Variants in PCDHGA9 observed in about 807,000 individuals in gnomAD.
PCDHGA9 encodes the protein protocadherin gamma-A9.
In PCDHGA9, 37 loss-of-function variants were observed where a neutral mutation model predicts 62.5. That is an observed-to-expected ratio of 0.59 (90% confidence interval 0.46 to 0.78). The LOEUF (loss-of-function observed/expected upper bound fraction) is 0.78, where lower values mean the gene tolerates loss of function less well. PCDHGA9 is among the 30% of genes least tolerant of loss of function. PCDHGA9 has a pLI of 0.00. For synonymous variants in PCDHGA9, 459 were observed against 484.6 expected (o/e 0.95, Z 0.69); for missense variants, 1,138 against 1,166.2 (o/e 0.98, Z 0.35).
chr5:141,417,785 A>C (rs1273908599), intron 1 of PCDHGA9: 22 of 1,476,018 alleles, frequency 1.5e-5, no homozygotes, highest in Non-Finnish European at 1.7e-5. Context: ...TCCTGGGCCG[A>C]ATGCTCTTTT....
At position 141,477,742 on chromosome 5, in the gene PCDHGA9, G is replaced by C; in HGVS notation, c.2425-17065G>C. 2 of 1,613,800 alleles carry C rather than the reference G, an allele frequency of 1.2e-6. No individual in the cohort carries two copies. Among genetic ancestry groups the C allele is most frequent in the Non-Finnish European group, 1.7e-6 (2 of 1,180,030 alleles). ...AATTAACAGCTCATATCAGCGATGG[G>C]GGCACCCCGGTCCTAGCCACCAACA... On this transcript the variant is annotated intron_variant, in intron 1 of 3. Coordinates refer to ENST00000573521, the MANE Select transcript of PCDHGA9 (RefSeq NM_018921.3). The surrounding 1 kb of genome is among the most constrained non-coding windows in gnomAD (Gnocchi z 4.9).
At chr5:141,443,615 C>T (rs1430581477) in intron 1 of PCDHGA9, among the ~76,000 whole-genome samples, 3 of 152,198 alleles carry the variant, frequency 2.0e-5, no homozygotes, top group Non-Finnish European at 4.4e-5. Flanking sequence ...TTCTTATAAT[C>T]AGGTGATTGT....
At chr5:141,445,300 TCA>T (rs1443961962) in intron 1 of PCDHGA9, among the ~76,000 whole-genome samples, 1 of 152,202 alleles carries the variant, frequency 6.6e-6, no homozygotes, top group Non-Finnish European at 1.5e-5. Flanking sequence ...TCCATTCTCT[TCA>T]GTTTGTAGGT....
At chr5:141,414,844 C>T (rs769714220) in intron 1 of PCDHGA9, 3 of 1,614,216 alleles carry the variant, frequency 1.9e-6, no homozygotes, top group South Asian at 2.2e-5. Flanking sequence ...CCTGTTTGTG[C>T]TGGACCAGAA....
chr5:141,487,040 C>T lies in PCDHGA9; in HGVS notation c.2425-7767C>T, dbSNP rs374574042. The T allele has an allele frequency of 3.7e-6, 6 of 1,614,136 alleles. No homozygotes were observed. Among genetic ancestry groups the T allele is most frequent in the South Asian group, 1.1e-5 (1 of 91,082 alleles). On this transcript the variant is annotated intron_variant, in intron 1 of 3. Transcript: ENST00000573521. This position sits in a 1 kb window ranked among gnomAD's most constrained non-coding sequence, Gnocchi z 5.0. Reference sequence around the variant, plus strand: ...AGATCCCAGCCTGTTTGCAGTCTCTCGATATGCTGGGGAGGTGCGGACGGC... The same window carrying T: ...AGATCCCAGCCTGTTTGCAGTCTCTTGATATGCTGGGGAGGTGCGGACGGC...
chr5:141,477,162 C>A lies in PCDHGA9; in HGVS notation c.2425-17645C>A, dbSNP rs147392557. ...GAGGTTGTGGATGTGAATGACAACG[C>A]CCCGGAGATCACAGTCACCTCCGTG... On this transcript the variant is annotated intron_variant, in intron 1 of 3. Transcript: ENST00000573521. This position sits in a 1 kb window ranked among gnomAD's most constrained non-coding sequence, Gnocchi z 4.9. 3.5e-5 allele frequency: 57 copies of A among 1,614,162 alleles called. No homozygotes were observed. The Middle Eastern group carries it at 9.9e-4, about 28-fold the overall frequency.
intron 1 of PCDHGA9, chr5:141,433,257 G>T: frequency 7.2e-7 from 1 of 1,385,416 alleles, no homozygotes; most frequent in Non-Finnish European, 9.9e-7. Context: ...GCAGCGGTAC[G>T]ATCATAGCTC....
chr5:141,496,077 C>G (rs1269618753), intron 2 of PCDHGA9, among the ~76,000 whole-genome samples: 1 of 152,042 alleles, frequency 6.6e-6, no homozygotes, highest in African/African-American at 2.4e-5. Flanking sequence ...CACACACAAC[C>G]CCCCACCCAC....
At position 141,489,754 on chromosome 5, in the gene PCDHGA9, C is replaced by G; in HGVS notation, c.2425-5053C>G. 1 of 1,614,110 alleles carries G rather than the reference C, an allele frequency of 6.2e-7. No homozygotes were observed. The highest frequency in any genetic ancestry group is 8.5e-7 in the Non-Finnish European group (1 of 1,179,972). ...CACCAATACTGTGAGCTTTTACACT[C>G]TAAGCCCCAACAGCCACTTCTCTCT... On this transcript the variant is annotated intron_variant, in intron 1 of 3. Coordinates refer to ENST00000573521, the MANE Select transcript of PCDHGA9 (RefSeq NM_018921.3). The surrounding 1 kb of genome is among the most constrained non-coding windows in gnomAD (Gnocchi z 4.5).
At chr5:141,414,334 A>C in intron 1 of PCDHGA9, 1 of 1,613,782 alleles carries the variant, frequency 6.2e-7, no homozygotes, top group Non-Finnish European at 8.5e-7. Flanking sequence ...TGGACAGGTA[A>C]CCTGTTCCAT....
rs747132868 is a variant in PCDHGA9 at position 141,431,424 on chromosome 5, G to C, written c.2424+26048G>C. ...GCCTCCGACGGGGGCGACCCGGTGC[G>C]CACAGGCACCGCGCGCATCCGCGTG... On this transcript the variant is annotated intron_variant, in intron 1 of 3. Coordinates refer to ENST00000573521, the MANE Select transcript of PCDHGA9 (RefSeq NM_018921.3). This position sits in a 1 kb window ranked among gnomAD's most constrained non-coding sequence, Gnocchi z 4.8. The C allele has an allele frequency of 6.2e-7, 1 of 1,613,558 alleles. No individual in the cohort carries two copies. The highest frequency in any genetic ancestry group is 1.1e-5 in the South Asian group (1 of 91,082).
chr5:141,404,804 T>A lies in PCDHGA9; in HGVS notation c.1852T>A (p.Ser618Thr). Reference sequence around the variant, plus strand: ...CAAGGCCAGTGAGCCAGGGCTCTTCTCGGTGGGGCTGCACACAGGTGAAGT... The same window carrying A: ...CAAGGCCAGTGAGCCAGGGCTCTTCACGGTGGGGCTGCACACAGGTGAAGT... ...LFKASEPGLFSVGLHTGEVRT... is the reference protein window; with the variant it reads ...LFKASEPGLFTVGLHTGEVRT... The change falls in exon 1 of 4, where the codon TCG (serine) becomes ACG (threonine). Residue 618 changes from serine (S) to threonine (T), a missense_variant. Transcript: ENST00000573521. 1 of 1,613,898 alleles carries A rather than the reference T, an allele frequency of 6.2e-7. No individual in the cohort carries two copies. Among genetic ancestry groups the A allele is most frequent in the South Asian group, 1.1e-5 (1 of 91,060 alleles).
intron 1 of PCDHGA9, chr5:141,418,028 A>C (rs767425160): frequency 1.2e-6 from 2 of 1,613,970 alleles, no homozygotes; most frequent in East Asian, 4.5e-5. Context: ...TCTAGGGCTT[A>C]GTGTCCTGGA....
At chr5:141,505,298 T>TA in intron 2 of PCDHGA9, 95 bp from the exon 3 acceptor site, 1 of 1,586,334 alleles carries the variant, frequency 6.3e-7, no homozygotes, top group Non-Finnish European at 8.6e-7. Context: ...GGGGTAGGGT[T>TA]AGGGTACTAG....
intron 1 of PCDHGA9, chr5:141,419,315 C>G (rs2096357855): frequency 1.2e-6 from 2 of 1,613,998 alleles, no homozygotes; most frequent in Non-Finnish European, 1.7e-6. Flanking sequence ...GCTCAACGGC[C>G]GTGTCTCCTA....
At position 141,431,645 on chromosome 5, in the gene PCDHGA9, T is replaced by G. The variant is rs2097404203; in HGVS notation, c.2424+26269T>G. ...GGCGGCCCAAGTTTTCAAACTAGAT[T>G]GTAATTCAGGGACAATATCAACAAT... On this transcript the variant is annotated intron_variant, in intron 1 of 3. Coordinates refer to ENST00000573521, the MANE Select transcript of PCDHGA9 (RefSeq NM_018921.3). This position sits in a 1 kb window ranked among gnomAD's most constrained non-coding sequence, Gnocchi z 4.8. The G allele has an allele frequency of 2.5e-6, 4 of 1,614,236 alleles. No homozygotes were observed. Among genetic ancestry groups the G allele is most frequent in the Non-Finnish European group, 3.4e-6 (4 of 1,180,044 alleles).
At chr5:141,452,227 T>C (rs2098736376) in intron 1 of PCDHGA9, among the ~76,000 whole-genome samples, 1 of 152,232 alleles carries the variant, frequency 6.6e-6, no homozygotes, top group African/African-American at 2.4e-5. Context: ...CTCTTCAAGC[T>C]GGTTCTTGTG....
intron 1 of PCDHGA9, chr5:141,421,025 A>G: frequency 5.7e-6 from 3 of 526,286 alleles, no homozygotes; most frequent in East Asian, 3.2e-5. Context: ...GCTGCGCGCC[A>G]TTGAGTCCCT....
chr5:141,409,143 G>A (rs778597273), intron 1 of PCDHGA9: 1 of 1,613,868 alleles, frequency 6.2e-7, no homozygotes, highest in African/African-American at 1.3e-5. Flanking sequence ...GATGTAGAAA[G>A]GTACACCATG....
Sources: allele counts gnomAD v4.1 joint callset (sites outside exome capture counted in the v4.1 genomes callset), GRCh38; gene constraint gnomAD v4.1.1; non-coding constraint Gnocchi (gnomAD v3.1); transcripts MANE v1.5; gene names NCBI Gene and HGNC (gene_info 2026-07-23, HGNC 2026-07-21).